The following SORBS2 variants were observed in gnomAD, a reference collection of about 807,000 sequenced individuals.
SORBS2 encodes the protein sorbin and SH3 domain-containing protein 2.
A neutral mutation model predicts 97.7 loss-of-function variants in SORBS2; 46 were observed. The observed-to-expected ratio is 0.47, with a 90% CI of 0.37 to 0.60. SORBS2 has a LOEUF of 0.60. Among genes scored for constraint, SORBS2 ranks in the 20% least tolerant of loss-of-function variants. SORBS2 has a pLI of 0.00. For synonymous variants in SORBS2, 476 were observed against 473.4 expected, an observed-to-expected ratio of 1.01 and a Z score of -0.07; for missense variants, 1,316 against 1,282.3, an observed-to-expected ratio of 1.03 and a Z score of -0.40.
intron 1 of SORBS2, among the ~76,000 whole-genome samples, chr4:185,825,101 C>T (rs1166275510): frequency 1.3e-5 from 2 of 152,174 alleles, no homozygotes; most frequent in Non-Finnish European, 2.9e-5. Context: ...GTAGCAGCTT[C>T]AGACCACCAG....
At chr4:185,710,750 C>T (rs990199215) in intron 2 of SORBS2, among the ~76,000 whole-genome samples, 52 of 152,290 alleles carry the variant, frequency 3.4e-4, no homozygotes, top group Admixed American at 2.9e-3. Flanking sequence ...CTGATGGTAA[C>T]GGTGGGCACT....
At chr4:185,635,440 AG>A in intron 4 of SORBS2, 29 bp from the exon 16 acceptor site, 2 of 1,571,090 alleles carry the variant, frequency 1.3e-6, no homozygotes, top group Non-Finnish European at 1.8e-6. Context: ...CAGAAGCAGA[AG>A]TGTAGGGATG....
chr4:185,751,675 GA>G (rs2098801321), intron 2 of SORBS2, among the ~76,000 whole-genome samples: 1 of 152,096 alleles, frequency 6.6e-6, no homozygotes, highest in African/African-American at 2.4e-5. Context: ...ACACATGAAC[GA>G]AAGAGGCTAG....
At chr4:185,725,662 A>G (rs528435959) in intron 2 of SORBS2, among the ~76,000 whole-genome samples, 1 of 152,282 alleles carries the variant, frequency 6.6e-6, no homozygotes, top group East Asian at 1.9e-4. Context: ...AGTACTTATT[A>G]ATATGGCTTC....
At chr4:185,658,400 A>C (rs2097445435), upstream of SORBS2, among the ~76,000 whole-genome samples, 1 of 73,038 alleles carries the variant, frequency 1.4e-5, no homozygotes, top group Admixed American at 1.7e-4. Context: ...TTTACTTCTA[A>C]TACACAGGAA....
At chr4:185,833,890 A>T (rs1165907168) in intron 1 of SORBS2, among the ~76,000 whole-genome samples, 1 of 152,214 alleles carries the variant, frequency 6.6e-6, no homozygotes, top group Non-Finnish European at 1.5e-5. Flanking sequence ...CGTCATATAA[A>T]TAGTGTCTAT....
chr4:185,892,881 C>T (rs760011874), intron 1 of SORBS2, among the ~76,000 whole-genome samples: 9 of 151,982 alleles, frequency 5.9e-5, no homozygotes, highest in Non-Finnish European at 1.0e-4. Flanking sequence ...CACTTAAGGC[C>T]TTATGGCTGT....
chr4:185,874,992 C>G (rs969995947), intron 1 of SORBS2, among the ~76,000 whole-genome samples: 2 of 151,690 alleles, frequency 1.3e-5, no homozygotes, highest in South Asian at 4.2e-4. Flanking sequence ...ATCAGATTTC[C>G]TCATGAAAGT....
intron 2 of SORBS2, among the ~76,000 whole-genome samples, chr4:185,680,254 C>T (rs2097850862): frequency 6.6e-6 from 1 of 152,206 alleles, no homozygotes; most frequent in Admixed American, 6.5e-5. Flanking sequence ...AGAGATCCTA[C>T]AGCCTCAGTC....
intron 1 of SORBS2, among the ~76,000 whole-genome samples, chr4:185,832,275 C>T (rs1205116771): frequency 6.6e-6 from 1 of 152,138 alleles, no homozygotes; most frequent in Non-Finnish European, 1.5e-5. Context: ...CCATCTGATG[C>T]TGTTACATAT....
chr4:185,657,976 A>T (rs185147452), upstream of SORBS2, among the ~76,000 whole-genome samples: 35 of 152,284 alleles, frequency 2.3e-4, no homozygotes, highest in Non-Finnish European at 4.4e-4. Flanking sequence ...GAGCTGAGAC[A>T]AGTTCAGTAA....
At chr4:185,625,175 C>T (rs1409639822) in intron 6 of SORBS2, among the ~76,000 whole-genome samples, 1 of 152,134 alleles carries the variant, frequency 6.6e-6, no homozygotes, top group Non-Finnish European at 1.5e-5. Flanking sequence ...TACCTTTAAC[C>T]TTTTATTAGG....
At chr4:185,711,818 G>T (rs1457765399) in intron 2 of SORBS2, among the ~76,000 whole-genome samples, 1 of 152,052 alleles carries the variant, frequency 6.6e-6, no homozygotes, top group South Asian at 2.1e-4. Flanking sequence ...GGCCAGACTT[G>T]GTATATCAGC....
intron 1 of SORBS2, among the ~76,000 whole-genome samples, chr4:185,814,342 G>C (rs1279863243): frequency 2.0e-4 from 30 of 150,490 alleles, no homozygotes; most frequent in Admixed American, 2.0e-3. Context: ...ACCAGTCTAG[G>C]CAACAGACTG....
In SORBS2 at chr4:185,879,900, G is replaced by A. The variant is rs1039514789; in HGVS notation, c.-338+76296C>T. ...GTGTCTTTGTGCCCTGCTTGACCCC[G>A]TGCTGGGACCTTCTACGAGAGCCAC... On this transcript the variant is annotated intron_variant, in intron 1 of 20. Transcript: ENST00000284776. Among the ~76,000 whole-genome samples the A allele has an allele frequency of 5.3e-5, 8 of 152,196 alleles. 1 individual carries two copies. The highest frequency in any genetic ancestry group is 7.3e-5 in the Non-Finnish European group (5 of 68,030).
At chr4:185,848,880 G>C (rs543958215) in intron 1 of SORBS2, among the ~76,000 whole-genome samples, 2 of 152,056 alleles carry the variant, frequency 1.3e-5, no homozygotes, top group East Asian at 3.9e-4. Flanking sequence ...ACATTTTCAA[G>C]TTACTTGAGA....
At chr4:185,955,079 G>A (rs971550971) in intron 1 of SORBS2, among the ~76,000 whole-genome samples, 2 of 152,158 alleles carry the variant, frequency 1.3e-5, no homozygotes, top group African/African-American at 4.8e-5. Context: ...ACTTATAAGA[G>A]CTTCCACAAA....
intron 2 of SORBS2, among the ~76,000 whole-genome samples, chr4:185,767,799 A>T (rs1471069847): frequency 6.6e-6 from 1 of 152,124 alleles, no homozygotes; most frequent in Non-Finnish European, 1.5e-5. Context: ...TCATTTCTCT[A>T]ATCACCTTGA....
chr4:185,638,580 T>C lies in SORBS2; in HGVS notation c.397-7982A>G, dbSNP rs547944031. 5.9e-5 allele frequency among the ~76,000 whole-genome samples: 9 copies of C among 151,978 alleles called. No individual in the cohort carries two copies. The South Asian group carries it at 1.7e-3, about 28-fold the overall frequency. ...AGTCACTTCATCGTCCCTGCCCTCA[T>C]TGGTGGCTAGCAGTCCCAGCATGGG... On this transcript the variant is annotated intron_variant, in intron 4 of 14. Coordinates refer to ENST00000418609, the Ensembl canonical transcript of SORBS2.
Sources: gnomAD v4.1 joint callset for allele counts (sites outside exome capture counted in the v4.1 genomes callset) on GRCh38, gnomAD v4.1.1 for gene constraint, MANE v1.5 for transcripts, NCBI Gene and HGNC (gene_info 2026-07-23, HGNC 2026-07-21) for gene names.